Variants in SUPT3H observed in about 807,000 individuals in gnomAD.
The protein encoded by SUPT3H is SPT3 homolog, SAGA and STAGA complex component, also known as transcription initiation protein SPT3 homolog.
Under a neutral mutation model 44.3 loss-of-function variants are expected in SUPT3H, and 44 were observed. The ratio of observed to expected loss-of-function variants is 0.99; its 90% confidence interval spans 0.78 to 1.28. The LOEUF (loss-of-function observed/expected upper bound fraction) is 1.28. SUPT3H is among the 50% of genes most tolerant of loss of function. SUPT3H has a pLI of 0.00. For synonymous variants in SUPT3H, 124 were observed against 125.6 expected (o/e 0.99, Z 0.09); for missense variants, 380 against 387.1 (o/e 0.98, Z 0.15).
chr6:45,308,756 TAAA>T (rs70996322), intron 2 of SUPT3H, among the ~76,000 whole-genome samples: 16 of 145,246 alleles, frequency 1.1e-4, no homozygotes, highest in African/African-American at 4.1e-4. Context: ...AAAATAAATT[TAAA>T]AAAAAAAAAG....
intron 9 of SUPT3H, among the ~76,000 whole-genome samples, chr6:44,946,460 T>G (rs1773358273): frequency 6.6e-6 from 1 of 152,188 alleles, no homozygotes; most frequent in Admixed American, 6.5e-5. Flanking sequence ...CATCTGTGAT[T>G]CACGTGAAGA....
chr6:45,264,821 G>A (rs1289138469), intron 2 of SUPT3H, among the ~76,000 whole-genome samples: 2 of 152,020 alleles, frequency 1.3e-5, no homozygotes, highest in African/African-American at 4.8e-5. Context: ...GGAGAGGAAA[G>A]AGACAAATGA....
chr6:45,134,344 T>G (rs572901207), intron 2 of SUPT3H, among the ~76,000 whole-genome samples: 2 of 152,330 alleles, frequency 1.3e-5, no homozygotes, highest in South Asian at 2.1e-4. Flanking sequence ...GCAATACTGT[T>G]GCATTGGGAA....
At chr6:44,956,211 G>T (rs755304278) in intron 7 of SUPT3H, among the ~76,000 whole-genome samples, 6 of 151,476 alleles carry the variant, frequency 4.0e-5, no homozygotes, top group African/African-American at 9.7e-5. Flanking sequence ...TAGGTCGGGC[G>T]CGGTGGCTCA....
chr6:44,887,932 G>T (rs1483681484), intron 10 of SUPT3H, among the ~76,000 whole-genome samples: 1 of 151,900 alleles, frequency 6.6e-6, no homozygotes, highest in African/African-American at 2.4e-5. Flanking sequence ...AATGATAAAG[G>T]GGATATCACC....
At chr6:44,921,291 T>C (rs1768684565) in intron 10 of SUPT3H, among the ~76,000 whole-genome samples, 1 of 152,256 alleles carries the variant, frequency 6.6e-6, no homozygotes, top group South Asian at 2.1e-4. Flanking sequence ...CTGTCCTTTG[T>C]ATGCGAAGTG....
intron 6 of SUPT3H, among the ~76,000 whole-genome samples, chr6:44,967,797 A>T (rs1325494709): frequency 6.6e-6 from 1 of 151,856 alleles, no homozygotes; most frequent in Non-Finnish European, 1.5e-5. Flanking sequence ...CATTTTTTTC[A>T]TTTCTTTTTT....
At chr6:45,377,070 C>T (rs2150334492) in intron 1 of SUPT3H, among the ~76,000 whole-genome samples, 1 of 151,694 alleles carries the variant, frequency 6.6e-6, no homozygotes, top group East Asian at 1.9e-4. Context: ...CGTGTGAGAC[C>T]AAGTGTCCTG....
Position 45,317,296 on chromosome 6 carries a change from C to T in SUPT3H, c.101+47905G>A, listed in dbSNP as rs559383395. Among the ~76,000 whole-genome samples, 55 of 141,930 alleles carry T rather than the reference C, an allele frequency of 3.9e-4. 1 individual carries two copies. The South Asian group carries it at 4.1e-3, about 11-fold the overall frequency. 93.1% of individuals were successfully genotyped at this position (141,930 alleles called of 152,430 possible). ...CAGACTACCCAAAGTGACCTAAAGA[C>T]TGAATGCAATCTTTATCTAATGACA... is the stretch of plus-strand genomic sequence containing the variant. On this transcript the variant is annotated intron_variant, in intron 2 of 10. Coordinates refer to ENST00000371459, the MANE Select transcript of SUPT3H (RefSeq NM_003599.4).
chr6:44,825,255 A>ATAAT (rs1394207767), downstream of SUPT3H, among the ~76,000 whole-genome samples: 1 of 152,122 alleles, frequency 6.6e-6, no homozygotes, highest in African/African-American at 2.4e-5. Flanking sequence ...ATGAGCCTAT[A>ATAAT]TAATTATATT....
At chr6:45,289,195 C>T (rs116691750) in intron 2 of SUPT3H, among the ~76,000 whole-genome samples, 1 of 151,822 alleles carries the variant, frequency 6.6e-6, no homozygotes, top group Non-Finnish European at 1.5e-5. Context: ...AATTATCAAC[C>T]CTTTATGTTG....
chr6:44,914,795 C>T (rs2153454331), intron 10 of SUPT3H, among the ~76,000 whole-genome samples: 1 of 152,270 alleles, frequency 6.6e-6, no homozygotes, highest in Middle Eastern at 3.4e-3. Flanking sequence ...TTGTCCTTTG[C>T]TGAGAGAGGA....
At chr6:45,374,950 T>C (rs1240730929) in intron 1 of SUPT3H, among the ~76,000 whole-genome samples, 1 of 152,222 alleles carries the variant, frequency 6.6e-6, no homozygotes, top group Non-Finnish European at 1.5e-5. Flanking sequence ...CTCACACCTG[T>C]AATCCCAGAA....
intron 2 of SUPT3H, chr6:45,328,583 A>C (rs998381776): frequency 8.2e-6 from 13 of 1,582,814 alleles, no homozygotes; most frequent in Admixed American, 1.9e-5. Context: ...CTTGACAGAA[A>C]AAAATAAATA....
intron 2 of SUPT3H, among the ~76,000 whole-genome samples, chr6:45,240,418 G>A (rs1371313188): frequency 1.3e-5 from 2 of 152,096 alleles, no homozygotes; most frequent in East Asian, 3.8e-4. Flanking sequence ...TGGCAATAAT[G>A]CCTGGATGTA....
At chr6:45,070,586 A>G (rs1164902535) in intron 3 of SUPT3H, among the ~76,000 whole-genome samples, 1 of 151,912 alleles carries the variant, frequency 6.6e-6, no homozygotes, top group Non-Finnish European at 1.5e-5. Context: ...CTAAAAATAC[A>G]AAAAATTGGC....
intron 3 of SUPT3H, among the ~76,000 whole-genome samples, chr6:45,063,422 G>A (rs1423637581): frequency 1.3e-5 from 2 of 150,370 alleles, no homozygotes; most frequent in African/African-American, 2.5e-5. Flanking sequence ...CCAAAGGAAC[G>A]CAGCTCCTCA....
intron 2 of SUPT3H, among the ~76,000 whole-genome samples, chr6:45,341,869 T>C (rs556153008): frequency 1.3e-5 from 2 of 152,302 alleles, no homozygotes; most frequent in South Asian, 2.1e-4. Context: ...TTCACACTTA[T>C]TTCATCAGAA....
intron 2 of SUPT3H, among the ~76,000 whole-genome samples, chr6:45,106,406 T>C (rs1799282360): frequency 6.6e-6 from 1 of 152,138 alleles, no homozygotes; most frequent in East Asian, 1.9e-4. Context: ...TACTCCATCA[T>C]GGGCAATGGA....
Sources: gnomAD v4.1 joint callset for allele counts (sites outside exome capture counted in the v4.1 genomes callset) on GRCh38, gnomAD v4.1.1 for gene constraint, MANE v1.5 for transcripts, NCBI Gene and HGNC (gene_info 2026-07-23, HGNC 2026-07-21) for gene names.